MTUS2: variants seen among roughly 807,000 people sequenced by gnomAD.
The protein encoded by MTUS2 is microtubule-associated tumor suppressor candidate 2.
MTUS2 carries 40 observed loss-of-function variants against 114.1 expected under a neutral mutation model. That is an observed-to-expected ratio of 0.35 (90% confidence interval 0.27 to 0.46). The LOEUF is 0.46. Among genes scored for constraint, MTUS2 ranks in the 20% least tolerant of loss-of-function variants. MTUS2 has a pLI of 1.00. For synonymous variants in MTUS2, 688 were observed against 672.0 expected (o/e 1.02, Z -0.37); for missense variants, 1,679 against 1,705.4 (o/e 0.98, Z 0.27).
At chr13:29,501,738 C>G (rs111590443) in intron 15 of MTUS2, among the ~76,000 whole-genome samples, 3,121 of 152,298 alleles carry the variant, frequency 0.02, 96 homozygotes, top group African/African-American at 0.071. Context: ...AGGCCTGAAC[C>G]CTTGCCCACT....
At chr13:29,272,592 C>T (rs1019398021) in intron 5 of MTUS2, among the ~76,000 whole-genome samples, 2 of 152,248 alleles carry the variant, frequency 1.3e-5, no homozygotes, top group South Asian at 2.1e-4. Flanking sequence ...AGTTCTCACT[C>T]GAACGTCAGT....
intron 2 of MTUS2, among the ~76,000 whole-genome samples, chr13:28,957,614 G>T (rs755414315): frequency 2.0e-5 from 3 of 152,168 alleles, no homozygotes; most frequent in Admixed American, 2.0e-4. Context: ...AGGAAGATGT[G>T]CTCAGGTTAG....
chr13:29,338,598 A>AAACAAAAC (rs71713337), intron 7 of MTUS2, among the ~76,000 whole-genome samples: 9,790 of 152,050 alleles, frequency 0.064, 1,011 homozygotes, highest in African/African-American at 0.22. Flanking sequence ...TCAGAAAACA[A>AAACAAAAC]AAAAAAACAA....
At chr13:29,406,713 C>G (rs1298265831) in intron 8 of MTUS2, among the ~76,000 whole-genome samples, 1 of 152,326 alleles carries the variant, frequency 6.6e-6, no homozygotes, top group East Asian at 1.9e-4. Flanking sequence ...AGGCCACCTG[C>G]TGCATTCCCA....
chr13:29,485,878 G>GT (rs1250761603), intron 10 of MTUS2, among the ~76,000 whole-genome samples: 1 of 118,292 alleles, frequency 8.5e-6, no homozygotes, highest in Non-Finnish European at 1.7e-5. Context: ...CCGATGAAAG[G>GT]TTTTTTGCTC....
intron 5 of MTUS2, among the ~76,000 whole-genome samples, chr13:29,193,733 G>GA (rs1281547787): frequency 1.3e-5 from 2 of 151,952 alleles, no homozygotes; most frequent in East Asian, 1.9e-4. Flanking sequence ...CACAGAATTG[G>GA]AAAAAACTAC....
Position 29,221,831 on chromosome 13 carries a change from C to A in MTUS2, c.2645-59873C>A, listed in dbSNP as rs189760411. ...AAATCTTCCTTACCTGTGTTTTTTT[C>A]CCAATATATTTTCCATAAGGTTTCA... On this transcript the variant is annotated intron_variant, in intron 5 of 15. Coordinates refer to ENST00000612955, the MANE Select transcript of MTUS2 (RefSeq NM_001033602.4). Among the ~76,000 whole-genome samples, 339 of 151,846 alleles carry A rather than the reference C, an allele frequency of 2.2e-3. 3 individuals carry two copies. The highest frequency in any genetic ancestry group is 3.7e-3 in the Non-Finnish European group (252 of 67,920).
chr13:29,255,153 C>T (rs967273570), intron 5 of MTUS2, among the ~76,000 whole-genome samples: 1 of 152,174 alleles, frequency 6.6e-6, no homozygotes, highest in Non-Finnish European at 1.5e-5. Flanking sequence ...TGTAATTGCA[C>T]CCCACTTAGC....
At chr13:29,068,036 A>G (rs1251327636) in intron 4 of MTUS2, among the ~76,000 whole-genome samples, 4 of 152,232 alleles carry the variant, frequency 2.6e-5, no homozygotes, top group African/African-American at 9.6e-5. Flanking sequence ...CTACCAAGGA[A>G]GTTTAAATCA....
chr13:29,455,917 G>A lies in MTUS2; in HGVS notation c.3184+15868G>A, dbSNP rs188626011. ...GATTGCTGGAGCCCGGAAGGTTGAG[G>A]TTGCAGTGAGCTATGATTACACCAC... On this transcript the variant is annotated intron_variant, in intron 9 of 15. Coordinates refer to ENST00000612955, the MANE Select transcript of MTUS2 (RefSeq NM_001033602.4). Among the ~76,000 whole-genome samples the A allele has an allele frequency of 6.8e-4, 103 of 152,192 alleles. 1 individual carries two copies. Among genetic ancestry groups the A allele is most frequent in the African/African-American group, 2.2e-3 (93 of 41,528 alleles).
intron 2 of MTUS2, among the ~76,000 whole-genome samples, chr13:28,991,637 G>A (rs1431156079): frequency 1.3e-5 from 2 of 152,084 alleles, no homozygotes; most frequent in African/African-American, 4.8e-5. Context: ...CAAAGTGCTG[G>A]GATTACAGGC....
chr13:29,315,342 T>TGATCTATG (rs1458376915), intron 6 of MTUS2, among the ~76,000 whole-genome samples: 1 of 152,202 alleles, frequency 6.6e-6, no homozygotes, highest in African/African-American at 2.4e-5. Flanking sequence ...CACAAAGAAA[T>TGATCTATG]GATCTATGTG....
At chr13:28,859,790 C>T (rs1203080910) in intron 2 of MTUS2, among the ~76,000 whole-genome samples, 1 of 152,070 alleles carries the variant, frequency 6.6e-6, no homozygotes, top group Non-Finnish European at 1.5e-5. Context: ...GTATGTTGTT[C>T]AGGGACAAAG....
intron 2 of MTUS2, among the ~76,000 whole-genome samples, chr13:28,868,668 G>T (rs1877441414): frequency 6.6e-6 from 1 of 152,138 alleles, no homozygotes; most frequent in Non-Finnish European, 1.5e-5. Flanking sequence ...AGTATCACCT[G>T]CCACCATCAG....
chr13:28,962,046 T>C (rs1179909417), intron 2 of MTUS2, among the ~76,000 whole-genome samples: 1 of 151,298 alleles, frequency 6.6e-6, no homozygotes, highest in African/African-American at 2.4e-5. Flanking sequence ...ATATTTTATA[T>C]ACATATTTAT....
In MTUS2 at chr13:29,229,260, A is replaced by G. The variant is rs148085416; in HGVS notation, c.2645-52444A>G. ...TGACTTTAACTTTGTTTTGACCTCT[A>G]GCTTTCGTGTAATTTCTGCATCTGA... On this transcript the variant is annotated intron_variant, in intron 5 of 15. Transcript: ENST00000612955. Among the ~76,000 whole-genome samples, 431 of 152,290 alleles carry G rather than the reference A, an allele frequency of 2.8e-3. 1 individual carries two copies. The highest frequency in any genetic ancestry group is 0.01 in the African/African-American group (416 of 41,554).
intron 2 of MTUS2, among the ~76,000 whole-genome samples, chr13:28,978,341 A>G (rs1419511519): frequency 6.6e-6 from 1 of 152,232 alleles, no homozygotes; most frequent in Non-Finnish European, 1.5e-5. Flanking sequence ...TTGTAGAGAC[A>G]GTTTTGATTA....
intron 6 of MTUS2, among the ~76,000 whole-genome samples, chr13:29,317,246 T>C (rs185042451): frequency 1.1e-3 from 160 of 152,300 alleles, no homozygotes; most frequent in Admixed American, 2.5e-3. Flanking sequence ...GGAACAAACC[T>C]TAAATAGGTT....
At position 28,820,626 on chromosome 13, in the gene MTUS2, T is replaced by C. The variant is rs577347286; in HGVS notation, c.-316+15T>C. 17 of 152,358 alleles carry C rather than the reference T, an allele frequency of 1.1e-4. No individual in the cohort carries two copies. Among genetic ancestry groups the C allele is most frequent in the African/African-American group, 3.9e-4 (16 of 41,548 alleles). The allele number at this position is 152,358 out of a possible 1,614,324, so 9.4% of individuals were successfully genotyped here. On this transcript the variant is annotated intron_variant, in intron 1 of 15. Coordinates refer to ENST00000612955, the MANE Select transcript of MTUS2 (RefSeq NM_001033602.4). Reference sequence around the variant, plus strand: ...TTTTGACCCAGGTGAGCGAATCCTCTGCTGCGCGGTCCGGTGGGGTCGGCT... The same window carrying C: ...TTTTGACCCAGGTGAGCGAATCCTCCGCTGCGCGGTCCGGTGGGGTCGGCT...
Sources: gnomAD v4.1 joint callset for allele counts (sites outside exome capture counted in the v4.1 genomes callset) on GRCh38, gnomAD v4.1.1 for gene constraint, MANE v1.5 for transcripts, NCBI Gene and HGNC (gene_info 2026-07-23, HGNC 2026-07-21) for gene names.